MYO5B: variants seen among roughly 807,000 people sequenced by gnomAD.
The protein encoded by MYO5B is unconventional myosin-Vb.
Under a neutral mutation model 229.3 loss-of-function variants are expected in MYO5B, and 143 were observed. The observed-to-expected ratio is 0.62, with a 90% CI of 0.54 to 0.72. The LOEUF is 0.72. Among genes scored for constraint, MYO5B ranks in the 30% least tolerant of loss-of-function variants. The pLI, the probability that MYO5B is intolerant of heterozygous loss-of-function variation, is 0.00. For missense variants in MYO5B, 2,321 were observed against 2,331.0 expected, an observed-to-expected ratio of 1.00 and a Z score of 0.09; for synonymous variants, 918 against 885.2, an observed-to-expected ratio of 1.04 and a Z score of -0.66.
Position 50,194,817 on chromosome 18 carries a change from G to A in MYO5B, c.-24C>T. On this transcript the variant is annotated 5_prime_UTR_variant, in exon 1 of 40. Coordinates refer to ENST00000285039, the MANE Select transcript of MYO5B (RefSeq NM_001080467.3). Reference sequence around the variant, plus strand: ...ATGGCCCGGGCCGGGCGGGGCTCGGGCCCCGGCTCCTGGCTGCCCCGCGGC... The same window carrying A: ...ATGGCCCGGGCCGGGCGGGGCTCGGACCCCGGCTCCTGGCTGCCCCGCGGC... The A allele has an allele frequency of 6.8e-6, 9 of 1,322,572 alleles. No individual in the cohort carries two copies. The highest frequency in any genetic ancestry group is 8.6e-6 in the Non-Finnish European group (9 of 1,040,762). 81.9% of individuals were successfully genotyped at this position (1,322,572 alleles called of 1,614,324 possible).
intron 20 of MYO5B, among the ~76,000 whole-genome samples, chr18:49,903,239 C>T (rs1456431861): frequency 6.6e-6 from 1 of 151,818 alleles, no homozygotes; most frequent in African/African-American, 2.4e-5. Context: ...AGGCTAATGG[C>T]TTATAATTAC....
At chr18:49,869,429 A>G (rs1294819531) in intron 27 of MYO5B, among the ~76,000 whole-genome samples, 1 of 152,200 alleles carries the variant, frequency 6.6e-6, no homozygotes, top group African/African-American at 2.4e-5. Context: ...AAGGCCCACA[A>G]GTAAAATCAT....
chr18:49,994,497 T>C (rs138505769), intron 5 of MYO5B, among the ~76,000 whole-genome samples: 48 of 152,312 alleles, frequency 3.2e-4, no homozygotes, highest in Non-Finnish European at 5.7e-4. Flanking sequence ...AGACACAGTA[T>C]ATAACTCTGG....
intron 18 of MYO5B, among the ~76,000 whole-genome samples, chr18:49,911,574 T>C (rs936839169): frequency 6.6e-5 from 10 of 152,230 alleles, no homozygotes; most frequent in African/African-American, 9.6e-5. Flanking sequence ...AAGTCCACAA[T>C]GTCAATTATC....
At chr18:49,946,335 T>C (rs1182601525) in intron 14 of MYO5B, 1 of 152,272 alleles carries the variant, frequency 6.6e-6, no homozygotes, top group East Asian at 1.9e-4. Flanking sequence ...CCGACCCTGC[T>C]TAGTTTCTGA....
intron 4 of MYO5B, among the ~76,000 whole-genome samples, chr18:50,020,070 C>A (rs1408723586): frequency 6.6e-6 from 1 of 152,136 alleles, no homozygotes; most frequent in Non-Finnish European, 1.5e-5. Context: ...AAGCCTGCAG[C>A]TCCACACCCT....
intron 1 of MYO5B, among the ~76,000 whole-genome samples, chr18:50,166,736 T>A (rs1599072409): frequency 6.6e-6 from 1 of 152,216 alleles, no homozygotes; most frequent in East Asian, 1.9e-4. Context: ...CATCAGGAAA[T>A]TAGGTTGAGT....
chr18:49,843,439 C>G, intron 33 of MYO5B, 47 bp from the exon 34 acceptor site: 1 of 1,602,692 alleles, frequency 6.2e-7, no homozygotes, highest in Non-Finnish European at 8.5e-7. Flanking sequence ...CTATGGGGGA[C>G]AATGGAGGCT....
intron 1 of MYO5B, among the ~76,000 whole-genome samples, chr18:50,174,492 T>C (rs1018795658): frequency 2.0e-5 from 3 of 152,202 alleles, no homozygotes; most frequent in African/African-American, 7.2e-5. Context: ...GCTGAACAGC[T>C]CAGGGTCTCC....
chr18:50,113,454 T>C (rs1310772738), intron 1 of MYO5B, among the ~76,000 whole-genome samples: 1 of 152,220 alleles, frequency 6.6e-6, no homozygotes, highest in Non-Finnish European at 1.5e-5. Flanking sequence ...GGGGGACAAC[T>C]GAACGTTAGA....
Position 49,937,281 on chromosome 18 carries a change from G to A in MYO5B, c.1869C>T (p.Val623=). The A allele has an allele frequency of 6.2e-7, 1 of 1,614,166 alleles. No individual in the cohort carries two copies. Among genetic ancestry groups the A allele is most frequent in the Non-Finnish European group, 8.5e-7 (1 of 1,180,010 alleles). ...SVRSARPPMK[V]SNKEHKKTVG... is the part of the protein sequence containing the mutation. ...CGGTTTTCTTGTGCTCCTTGTTGGA[G>A]ACTTTCATGGGGGGTCTGGCAGAAC... The change falls in exon 15 of 40, where the codon GTC becomes GTT. Residue 623 remains valine, a synonymous_variant. Coordinates refer to ENST00000285039, the MANE Select transcript of MYO5B (RefSeq NM_001080467.3).
chr18:50,015,236 G>A (rs2026203964), intron 4 of MYO5B, among the ~76,000 whole-genome samples: 1 of 152,146 alleles, frequency 6.6e-6, no homozygotes, highest in African/African-American at 2.4e-5. Context: ...GTGCATTGGA[G>A]GGAAATGAAC....
intron 4 of MYO5B, among the ~76,000 whole-genome samples, chr18:50,035,865 C>A (rs952604406): frequency 1.3e-5 from 2 of 152,142 alleles, no homozygotes; most frequent in Non-Finnish European, 2.9e-5. Flanking sequence ...ATGAAGCAGA[C>A]CTTTTATATA....
chr18:49,963,773 C>A (rs1482786081), intron 10 of MYO5B, among the ~76,000 whole-genome samples: 2 of 152,170 alleles, frequency 1.3e-5, no homozygotes, highest in African/African-American at 4.8e-5. Context: ...AAACACTTCC[C>A]CACACCACTG....
At chr18:49,853,371 G>A in intron 31 of MYO5B, 78 bp downstream of exon 31, 1 of 1,489,540 alleles carries the variant, frequency 6.7e-7, no homozygotes, top group African/African-American at 1.4e-5. Context: ...TGTCAGTTTT[G>A]CCAAAGGCAA....
rs144949305 is a variant in MYO5B at position 49,985,948 on chromosome 18, T to C, written c.839-1123A>G. Among the ~76,000 whole-genome samples, 517 of 152,314 alleles carry C rather than the reference T, an allele frequency of 3.4e-3. 3 individuals are homozygous for C. The highest frequency in any genetic ancestry group is 0.01 in the Middle Eastern group (3 of 294). On this transcript the variant is annotated intron_variant, in intron 7 of 39. Coordinates refer to ENST00000285039, the MANE Select transcript of MYO5B (RefSeq NM_001080467.3). The stretch of plus-strand genomic sequence containing the variant: ...CCCTTCAGCTCCATTGTCAGAACTG[T>C]TGAAAAAGACACTATTCCAATCTCT...
At chr18:50,007,900 G>C (rs1462481721) in intron 4 of MYO5B, among the ~76,000 whole-genome samples, 1 of 152,162 alleles carries the variant, frequency 6.6e-6, no homozygotes, top group Non-Finnish European at 1.5e-5. Context: ...TTTTAAATAA[G>C]AGAAAATAGA....
At chr18:50,127,820 T>G (rs976223837) in intron 1 of MYO5B, among the ~76,000 whole-genome samples, 1 of 152,216 alleles carries the variant, frequency 6.6e-6, no homozygotes, top group African/African-American at 2.4e-5. Flanking sequence ...TAAAGCAGGT[T>G]GCCCTCCCCA....
chr18:49,935,067 A>G (rs1942433), intron 16 of MYO5B, among the ~76,000 whole-genome samples: 55,021 of 151,922 alleles, frequency 0.36, 10,897 homozygotes, highest in Middle Eastern at 0.59. Context: ...GATGTTTTTT[A>G]AAGGTTTAAG....
Sources: allele counts gnomAD v4.1 joint callset (sites outside exome capture counted in the v4.1 genomes callset), GRCh38; gene constraint gnomAD v4.1.1; transcripts MANE v1.5; gene names NCBI Gene and HGNC (gene_info 2026-07-23, HGNC 2026-07-21).